Variants in CSNK1G3 observed in about 807,000 individuals in gnomAD.
The protein encoded by CSNK1G3 is casein kinase 1 gamma 3, also known as casein kinase I isoform gamma-3.
Under a neutral mutation model 64.3 loss-of-function variants are expected in CSNK1G3, and 23 were observed. The observed-to-expected ratio is 0.36, with a 90% CI of 0.26 to 0.51. The LOEUF is 0.51. Ranked by LOEUF, CSNK1G3 falls within the 20% of genes least tolerant of loss-of-function variation. CSNK1G3 has a pLI of 0.96. For synonymous variants in CSNK1G3, 158 were observed against 162.2 expected, an observed-to-expected ratio of 0.97 and a Z score of 0.20; for missense variants, 357 against 510.5, an observed-to-expected ratio of 0.70 and a Z score of 2.90.
At chr5:123,568,755 T>G (rs1787466837) in intron 4 of CSNK1G3, among the ~76,000 whole-genome samples, 1 of 152,220 alleles carries the variant, frequency 6.6e-6, no homozygotes, top group South Asian at 2.1e-4. Flanking sequence ...TTGTTAGCAG[T>G]TCCTGGGCCA....
chr5:123,532,105 TAA>T (rs1382268790), intron 1 of CSNK1G3, among the ~76,000 whole-genome samples: 2 of 151,846 alleles, frequency 1.3e-5, no homozygotes, highest in African/African-American at 4.8e-5. Context: ...GCAACTGGTG[TAA>T]TAGTAAGGTA....
rs536382503 is a variant in CSNK1G3 at position 123,569,089 on chromosome 5, C to T, written c.290-4304C>T. ...TTAGAGTTGGTGGATTTTTAGGTAGCTGCCAACTCTTTTTGTAACTGTAAC... is the reference window on the plus strand; with the variant it reads ...TTAGAGTTGGTGGATTTTTAGGTAGTTGCCAACTCTTTTTGTAACTGTAAC... On this transcript the variant is annotated intron_variant, in intron 4 of 12. Transcript: ENST00000345990. Among the ~76,000 whole-genome samples, 39 of 152,304 alleles carry T rather than the reference C, an allele frequency of 2.6e-4. 1 individual carries two copies. Among genetic ancestry groups the T allele is most frequent in the Non-Finnish European group, 4.1e-4 (28 of 68,016 alleles).
At chr5:123,597,054 ATAT>A (rs1793575389) in intron 10 of CSNK1G3, among the ~76,000 whole-genome samples, 5 of 152,136 alleles carry the variant, frequency 3.3e-5, no homozygotes, top group African/African-American at 4.8e-5. Context: ...ATTTGAACTG[ATAT>A]TATAATTGAA....
intron 1 of CSNK1G3, among the ~76,000 whole-genome samples, chr5:123,531,144 AT>A (rs764192791): frequency 6.6e-6 from 1 of 152,164 alleles, no homozygotes; most frequent in Non-Finnish European, 1.5e-5. Flanking sequence ...AATCAATTCT[AT>A]GACAAGTAAC....
chr5:123,578,471 T>G (rs1789601782), intron 6 of CSNK1G3, among the ~76,000 whole-genome samples: 1 of 151,918 alleles, frequency 6.6e-6, no homozygotes, highest in African/African-American at 2.4e-5. Flanking sequence ...CATTTCATTG[T>G]TAATTTACAG....
At chr5:123,514,534 C>G (rs1776798689) in intron 1 of CSNK1G3, among the ~76,000 whole-genome samples, 1 of 152,124 alleles carries the variant, frequency 6.6e-6, no homozygotes, top group South Asian at 2.1e-4. Flanking sequence ...AAGGGAGAAG[C>G]AGACATACAC....
At chr5:123,530,785 G>T (rs1213911327) in intron 1 of CSNK1G3, among the ~76,000 whole-genome samples, 1 of 152,064 alleles carries the variant, frequency 6.6e-6, no homozygotes, top group African/African-American at 2.4e-5. Flanking sequence ...ATCTTTCTGG[G>T]ATAAAAAAAG....
chr5:123,572,404 A>T (rs1317387509), intron 4 of CSNK1G3, among the ~76,000 whole-genome samples: 3 of 152,186 alleles, frequency 2.0e-5, no homozygotes, highest in African/African-American at 7.2e-5. Context: ...TGGAGTTTGT[A>T]TTATTCTATA....
chr5:123,540,609 A>G (rs1581002530), intron 1 of CSNK1G3, among the ~76,000 whole-genome samples: 1 of 151,848 alleles, frequency 6.6e-6, no homozygotes, highest in Non-Finnish European at 1.5e-5. Flanking sequence ...TCTAGATGCT[A>G]TACAGCTGTC....
intron 12 of CSNK1G3, among the ~76,000 whole-genome samples, chr5:123,609,649 G>T (rs1795974223): frequency 6.6e-6 from 1 of 152,128 alleles, no homozygotes; most frequent in Admixed American, 6.6e-5. Context: ...GATTTTAAGT[G>T]GAAAGAAGAG....
chr5:123,569,520 T>C (rs1028339271), intron 4 of CSNK1G3, among the ~76,000 whole-genome samples: 2 of 152,228 alleles, frequency 1.3e-5, no homozygotes, highest in Non-Finnish European at 2.9e-5. Flanking sequence ...GTTATGCATG[T>C]ATTTCAAATA....
At chr5:123,605,250 A>T (rs1169516449) in intron 11 of CSNK1G3, 89 bp from the exon 13 acceptor site, 1 of 1,215,254 alleles carries the variant, frequency 8.2e-7, no homozygotes, top group African/African-American at 1.5e-5. Context: ...TAAGCATGAA[A>T]AACAATGTGA....
intron 9 of CSNK1G3, 67 bp downstream of exon 9, chr5:123,590,625 C>A: frequency 1.0e-6 from 1 of 971,638 alleles, no homozygotes; most frequent in Non-Finnish European, 1.5e-6. Context: ...ACAATATCTT[C>A]AATTGAAAAG....
chr5:123,517,135 G>A (rs760877766), intron 1 of CSNK1G3, among the ~76,000 whole-genome samples: 4 of 152,072 alleles, frequency 2.6e-5, no homozygotes, highest in Admixed American at 6.5e-5. Context: ...AAAGACTCTC[G>A]GGAACACCCT....
At chr5:123,562,756 AT>A (rs1786020902) in intron 4 of CSNK1G3, among the ~76,000 whole-genome samples, 1 of 151,942 alleles carries the variant, frequency 6.6e-6, no homozygotes, top group African/African-American at 2.4e-5. Flanking sequence ...ATTGGTGAGA[AT>A]TTTTTAATTA....
At chr5:123,591,484 T>G in intron 10 of CSNK1G3, 70 bp downstream of exon 10, 1 of 859,800 alleles carries the variant, frequency 1.2e-6, no homozygotes, top group Non-Finnish European at 1.8e-6. Flanking sequence ...CTTCAATAGA[T>G]AAAACAGACT....
intron 2 of CSNK1G3, among the ~76,000 whole-genome samples, chr5:123,552,693 C>G (rs530725170): frequency 1.3e-5 from 2 of 152,098 alleles, no homozygotes; most frequent in Non-Finnish European, 2.9e-5. Flanking sequence ...AGTAAGATTA[C>G]ATCTCATAAT....
intron 6 of CSNK1G3, among the ~76,000 whole-genome samples, chr5:123,582,714 T>G (rs1790530500): frequency 6.6e-6 from 1 of 152,172 alleles, no homozygotes; most frequent in Non-Finnish European, 1.5e-5. Context: ...TGTAGTTAAG[T>G]GCTTTAAAAA....
intron 1 of CSNK1G3, among the ~76,000 whole-genome samples, chr5:123,524,814 G>A (rs1778745971): frequency 6.6e-6 from 1 of 152,174 alleles, no homozygotes. Flanking sequence ...TTCTTGTGCA[G>A]AGGTAGTGTT....
Sources: gnomAD v4.1 joint callset for allele counts (sites outside exome capture counted in the v4.1 genomes callset) on GRCh38, gnomAD v4.1.1 for gene constraint, MANE v1.5 for transcripts, NCBI Gene and HGNC (gene_info 2026-07-23, HGNC 2026-07-21) for gene names.